Variants in ZNF471 observed in about 807,000 individuals in gnomAD.
The protein encoded by ZNF471 is zinc finger protein 471, also known as EZFIT-related protein 1.
ZNF471 carries 7 observed loss-of-function variants against 13.7 expected under a neutral mutation model. That is an observed-to-expected ratio of 0.51 (90% confidence interval 0.29 to 0.96). The LOEUF is 0.96. ZNF471 is among the 40% of genes least tolerant of loss of function. The pLI is 0.08. For missense variants in ZNF471, 663 were observed against 743.3 expected, an observed-to-expected ratio of 0.89 and a Z score of 1.26; for synonymous variants, 218 against 235.6, an observed-to-expected ratio of 0.93 and a Z score of 0.68.
In ZNF471 at chr19:56,528,270, T is replaced by A. The variant is rs552212413; in HGVS notation, c.*2322T>A. On this transcript the variant is annotated 3_prime_UTR_variant, in exon 5 of 5. Coordinates refer to ENST00000308031, the MANE Select transcript of ZNF471 (RefSeq NM_020813.4). ...AAAATACTTGATGTACATAAAGTGC[T>A]TAGCAAAATGACCAACTCATACTAA... 11 of 152,340 alleles carry A rather than the reference T, an allele frequency of 7.2e-5. No homozygotes were observed. The highest frequency in any genetic ancestry group is 2.2e-4 in the African/African-American group (9 of 41,578). 9.4% of individuals were successfully genotyped at this position (152,340 alleles called of 1,614,324 possible).
At chr19:56,509,188 C>T (rs1363363236) in intron 1 of ZNF471, among the ~76,000 whole-genome samples, 1 of 152,016 alleles carries the variant, frequency 6.6e-6, no homozygotes, top group African/African-American at 2.4e-5. Flanking sequence ...CCCTCAATCT[C>T]CAGGGAAAGG....
chr19:56,507,992 C>T lies in ZNF471; in HGVS notation c.-56+72C>T, dbSNP rs2043754795. The T allele has an allele frequency of 4.1e-6, 4 of 985,744 alleles. No individual in the cohort carries two copies. In the African/African-American group the frequency reaches 5.2e-5, roughly 13 times the overall value. The allele number at this position is 985,744 out of a possible 1,614,324, so 61.1% of individuals were successfully genotyped here. The stretch of plus-strand genomic sequence containing the variant: ...GAAGGGCAGGCGAGGCGGGCGGCTC[C>T]GACGCGGGTCGCGAAGGCCCAGCCG... On this transcript the variant is annotated intron_variant, in intron 1 of 4. Coordinates refer to ENST00000308031, the MANE Select transcript of ZNF471 (RefSeq NM_020813.4).
At chr19:56,509,282 C>T (rs564354489) in intron 1 of ZNF471, among the ~76,000 whole-genome samples, 1 of 152,274 alleles carries the variant, frequency 6.6e-6, no homozygotes, top group South Asian at 2.1e-4. Context: ...CATAAAAACC[C>T]AAAAGGACTG....
Position 56,507,873 on chromosome 19 carries a change from C to T in ZNF471, c.-103C>T. ...GCGATGGGGGGTTCCAGCGTCGACT[C>T]ACGGAGTCCTTCGGATGAGAGCGTC... On this transcript the variant is annotated 5_prime_UTR_variant, in exon 1 of 5. Transcript: ENST00000308031. 1 of 985,564 alleles carries T rather than the reference C, an allele frequency of 1.0e-6. No individual in the cohort carries two copies. The highest frequency in any genetic ancestry group is 6.1e-5 in the Admixed American group (1 of 16,276). The allele number at this position is 985,564 out of a possible 1,614,324, so 61.1% of individuals were successfully genotyped here. A position where few individuals can be genotyped will look rare whatever the true frequency, so the allele number is the denominator to read the frequency against.
chr19:56,517,721 G>GT (rs2147915877), intron 3 of ZNF471, among the ~76,000 whole-genome samples: 1 of 152,306 alleles, frequency 6.6e-6, no homozygotes, highest in South Asian at 2.1e-4. Context: ...GATTACAGGC[G>GT]TAAGCCACTG....
At chr19:56,512,293 G>A (rs1172856804) in intron 2 of ZNF471, among the ~76,000 whole-genome samples, 1 of 150,236 alleles carries the variant, frequency 6.7e-6, no homozygotes, top group Admixed American at 6.6e-5. Flanking sequence ...ATGATTTTTC[G>A]TGTCTTGTTG....
chr19:56,509,235 A>C (rs1356789509), intron 1 of ZNF471, among the ~76,000 whole-genome samples: 1 of 152,180 alleles, frequency 6.6e-6, no homozygotes, highest in Non-Finnish European at 1.5e-5. Flanking sequence ...ATCAGTGGTC[A>C]GTGATTTAAC....
intron 4 of ZNF471, among the ~76,000 whole-genome samples, chr19:56,521,893 G>A (rs1224658802): frequency 1.3e-5 from 2 of 152,144 alleles, no homozygotes; most frequent in East Asian, 3.9e-4. Flanking sequence ...GATGCAGTGA[G>A]CCATGATCAT....
At position 56,516,162 on chromosome 19, in the gene ZNF471, G is replaced by A. The variant is rs2043885179; in HGVS notation, c.34-113G>A. On this transcript the variant is annotated intron_variant, in intron 2 of 4. Transcript: ENST00000308031. This position sits in a 1 kb window ranked among gnomAD's most constrained non-coding sequence, Gnocchi z 4.4. The stretch of plus-strand genomic sequence containing the variant: ...TTTTGGCTTGGATCTTCCTATTTAT[G>A]TTTTTTCTCTTCTATGAGTTATTTC... 1.8e-6 allele frequency: 2 copies of A among 1,106,366 alleles called. No homozygotes were observed. The highest frequency in any genetic ancestry group is 2.6e-6 in the Non-Finnish European group (2 of 765,242). 68.5% of individuals were successfully genotyped at this position (1,106,366 alleles called of 1,614,324 possible). A position where few individuals can be genotyped will look rare whatever the true frequency, so the allele number is the denominator to read the frequency against.
At position 56,524,605 on chromosome 19, in the gene ZNF471, C is replaced by T. The variant is rs2044018843; in HGVS notation, c.538C>T (p.His180Tyr). 6.3e-7 allele frequency: 1 copy of T among 1,591,088 alleles called. No homozygotes were observed. The highest frequency in any genetic ancestry group is 8.5e-7 in the Non-Finnish European group (1 of 1,174,076). ...AAACATAGAAGAGAGTATTTATAAT[C>T]ACACATCAGATAAAAAAAGCTTCTC... Reference protein sequence around the residue: ...LENIEESIYNHTSDKKSFSKN... With the variant: ...LENIEESIYNYTSDKKSFSKN... Residue 180 changes from histidine (H) to tyrosine (Y), a missense_variant, in exon 5 of 5, where the codon CAC (histidine) becomes TAC (tyrosine). Physicochemically the swap from His to Tyr is moderately conservative, Grantham distance 83. Coordinates refer to ENST00000308031, the MANE Select transcript of ZNF471 (RefSeq NM_020813.4). The surrounding 1 kb of genome is among the most constrained non-coding windows in gnomAD (Gnocchi z 4.8).
intron 2 of ZNF471, among the ~76,000 whole-genome samples, chr19:56,515,164 A>G (rs1200823193): frequency 6.6e-6 from 1 of 152,196 alleles, no homozygotes; most frequent in African/African-American, 2.4e-5. Flanking sequence ...TATATATACT[A>G]GATTACTAAC....
In ZNF471 at chr19:56,526,149, T is replaced by G; in HGVS notation, c.*201T>G. Reference sequence around the variant, plus strand: ...ACGCAGAAGGTGGGTGCTTTCTGTATTTCCAGCTGAGGTACCTGGCTCATC... The same window carrying G: ...ACGCAGAAGGTGGGTGCTTTCTGTAGTTCCAGCTGAGGTACCTGGCTCATC... On this transcript the variant is annotated 3_prime_UTR_variant, in exon 5 of 5. Coordinates refer to ENST00000308031, the MANE Select transcript of ZNF471 (RefSeq NM_020813.4). The G allele has an allele frequency of 1.9e-6, 1 of 526,570 alleles. No individual in the cohort carries two copies. Among genetic ancestry groups the G allele is most frequent in the South Asian group, 3.6e-5 (1 of 27,774 alleles). The allele number at this position is 526,570 out of a possible 1,614,324, so 32.6% of individuals were successfully genotyped here.
rs73629909 is a variant in ZNF471 at position 56,511,500 on chromosome 19, C to A, written c.-55-17C>A. 6.3e-7 allele frequency: 1 copy of A among 1,597,904 alleles called. No homozygotes were observed. The highest frequency in any genetic ancestry group is 8.6e-7 in the Non-Finnish European group (1 of 1,168,056). ...CATCTCTGGCCTCATCTCTCTCTAA[C>A]CTTTCCCTTCCTTCAGCCTTGCCCT... On this transcript the variant is annotated splice_polypyrimidine_tract_variant and intron_variant, in intron 1 of 4. Coordinates refer to ENST00000308031, the MANE Select transcript of ZNF471 (RefSeq NM_020813.4).
rs1349525304 is a variant in ZNF471 at position 56,528,547 on chromosome 19, C to A, written c.*2599C>A. ...TACAGGCAACCAGCCTGACTTAAAACAGTATCTTAAGGTAGATGGTGATTA... is the reference window on the plus strand; with the variant it reads ...TACAGGCAACCAGCCTGACTTAAAAAAGTATCTTAAGGTAGATGGTGATTA... On this transcript the variant is annotated 3_prime_UTR_variant, in exon 5 of 5. Coordinates refer to ENST00000308031, the MANE Select transcript of ZNF471 (RefSeq NM_020813.4). The A allele has an allele frequency of 6.6e-6, 1 of 152,174 alleles. No homozygotes were observed. Among genetic ancestry groups the A allele is most frequent in the East Asian group, 1.9e-4 (1 of 5,200 alleles). The allele number at this position is 152,174 out of a possible 1,614,324, so 9.4% of individuals were successfully genotyped here.
At position 56,516,225 on chromosome 19, in the gene ZNF471, T is replaced by C; in HGVS notation, c.34-50T>C. On this transcript the variant is annotated intron_variant, in intron 2 of 4. Coordinates refer to ENST00000308031, the MANE Select transcript of ZNF471 (RefSeq NM_020813.4). The surrounding 1 kb of genome is among the most constrained non-coding windows in gnomAD (Gnocchi z 4.4). ...GAGACACTTTGGATCAACTCAGAGT[T>C]ATCTTTGGACACGAGCATTGGTTGG... is the stretch of plus-strand genomic sequence containing the variant. 1 of 1,596,546 alleles carries C rather than the reference T, an allele frequency of 6.3e-7. No homozygotes were observed. The highest frequency in any genetic ancestry group is 1.3e-5 in the African/African-American group (1 of 74,692).
intron 1 of ZNF471, chr19:56,509,680 A>C (rs1027693495): frequency 1.2e-5 from 2 of 172,582 alleles, no homozygotes; most frequent in Non-Finnish European, 1.9e-5. Flanking sequence ...GAGGTCACCC[A>C]CCTGGTATTC....
chr19:56,512,382 C>G (rs991774271), intron 2 of ZNF471, among the ~76,000 whole-genome samples: 2 of 151,534 alleles, frequency 1.3e-5, no homozygotes, highest in African/African-American at 4.8e-5. Flanking sequence ...TTCTGGTAAG[C>G]TTAGACTTGA....
intron 4 of ZNF471, among the ~76,000 whole-genome samples, chr19:56,520,643 G>A (rs2043956738): frequency 6.6e-6 from 1 of 152,142 alleles, no homozygotes; most frequent in Non-Finnish European, 1.5e-5. Flanking sequence ...GGGCTCATGA[G>A]TGGGATTATT....
intron 3 of ZNF471, 89 bp from the exon 4 acceptor site, chr19:56,518,393 A>G (rs1191713307): frequency 2.1e-6 from 2 of 943,332 alleles, no homozygotes; most frequent in Non-Finnish European, 1.6e-6. Flanking sequence ...TATTCCTACT[A>G]TATCATTCCA....
Sources: allele counts gnomAD v4.1 joint callset (sites outside exome capture counted in the v4.1 genomes callset), GRCh38; gene constraint gnomAD v4.1.1; non-coding constraint Gnocchi (gnomAD v3.1); transcripts MANE v1.5; gene names NCBI Gene and HGNC (gene_info 2026-07-23, HGNC 2026-07-21).